RASSF8: variants seen among roughly 807,000 people sequenced by gnomAD.
RASSF8 encodes Ras association domain family member 8.
RASSF8 carries 22 observed loss-of-function variants against 48.5 expected under a neutral mutation model. The observed-to-expected ratio is 0.45, with a 90% CI of 0.32 to 0.65. RASSF8 has a LOEUF of 0.65. RASSF8 is among the 30% of genes least tolerant of loss of function. The pLI is 0.03. For synonymous variants in RASSF8, 127 were observed against 171.5 expected (o/e 0.74, Z 2.03); for missense variants, 418 against 489.2 (o/e 0.85, Z 1.37).
At chr12:26,044,396 A>G (rs780399307) in intron 2 of RASSF8, among the ~76,000 whole-genome samples, 15 of 152,234 alleles carry the variant, frequency 9.9e-5, no homozygotes, top group Non-Finnish European at 2.2e-4. Flanking sequence ...TTATGTAAGC[A>G]TAGCAAAAAC....
chr12:26,056,890 T>G (rs1777551992), intron 3 of RASSF8, among the ~76,000 whole-genome samples: 1 of 152,172 alleles, frequency 6.6e-6, no homozygotes. Context: ...TTGTCACTAT[T>G]AAGAGCTTCA....
intron 2 of RASSF8, among the ~76,000 whole-genome samples, chr12:26,003,357 C>T (rs114923557): frequency 6.6e-5 from 10 of 152,160 alleles, no homozygotes; most frequent in African/African-American, 1.7e-4. Context: ...TCAGTGGGCT[C>T]GTGTTTTGTT....
intron 3 of RASSF8, among the ~76,000 whole-genome samples, chr12:26,058,805 T>C (rs1943673579): frequency 1.3e-5 from 2 of 152,228 alleles, no homozygotes; most frequent in African/African-American, 4.8e-5. Context: ...AAATCTTTTC[T>C]ACACTAATCT....
rs1407235523 is a variant in RASSF8 at position 26,071,615 on chromosome 12, T to G, written c.*2797T>G. On this transcript the variant is annotated 3_prime_UTR_variant, in exon 6 of 6. Transcript: ENST00000689635. ...GTCCCTTTCTTGTCCTTCTGAGATA[T>G]TTTGGTTTGATAACATTTTGTTTTT... The G allele has an allele frequency of 2.0e-6, 2 of 985,206 alleles. No individual in the cohort carries two copies. The highest frequency in any genetic ancestry group is 9.4e-5 in the South Asian group (2 of 21,278). 61.0% of individuals were successfully genotyped at this position (985,206 alleles called of 1,614,324 possible).
downstream of RASSF8, among the ~76,000 whole-genome samples, chr12:26,073,752 C>CTCTCTCT (rs752383527): frequency 2.2e-4 from 22 of 97,924 alleles, no homozygotes; most frequent in Non-Finnish European, 3.7e-4. Flanking sequence ...TCTCTATACA[C>CTCTCTCT]ACACACACAC....
At chr12:26,030,934 A>G (rs1943017556) in intron 2 of RASSF8, among the ~76,000 whole-genome samples, 1 of 152,154 alleles carries the variant, frequency 6.6e-6, no homozygotes, top group South Asian at 2.1e-4. Context: ...ACTGTTTTCA[A>G]TTCAACTTTA....
At chr12:26,037,307 T>G (rs938474542) in intron 2 of RASSF8, among the ~76,000 whole-genome samples, 2 of 152,212 alleles carry the variant, frequency 1.3e-5, no homozygotes, top group East Asian at 3.8e-4. Context: ...GATACTCTTT[T>G]GTCACCTCCG....
chr12:26,024,412 C>G (rs1185690962), intron 2 of RASSF8, among the ~76,000 whole-genome samples: 1 of 152,140 alleles, frequency 6.6e-6, no homozygotes, highest in Non-Finnish European at 1.5e-5. Context: ...AGAGTTAATA[C>G]CAATTCTTCA....
intron 1 of RASSF8, among the ~76,000 whole-genome samples, chr12:25,976,514 C>G (rs568314541): frequency 6.6e-6 from 1 of 152,124 alleles, no homozygotes; most frequent in African/African-American, 2.4e-5. Flanking sequence ...CTTTCTGCAA[C>G]GAATCAGACT....
intron 2 of RASSF8, among the ~76,000 whole-genome samples, chr12:26,013,556 T>C (rs568233285): frequency 3.9e-5 from 6 of 152,190 alleles, no homozygotes; most frequent in Admixed American, 6.5e-5. Flanking sequence ...TAGCCAGGCC[T>C]CTTCATTAGA....
intron 2 of RASSF8, among the ~76,000 whole-genome samples, chr12:26,030,359 G>A (rs1943003024): frequency 6.6e-6 from 1 of 152,126 alleles, no homozygotes; most frequent in Non-Finnish European, 1.5e-5. Flanking sequence ...CCAGGTAGAG[G>A]GGCTACAAGA....
intron 2 of RASSF8, among the ~76,000 whole-genome samples, chr12:26,014,784 ACT>A (rs887549224): frequency 6.6e-6 from 1 of 152,212 alleles, no homozygotes; most frequent in Non-Finnish European, 1.5e-5. Context: ...TGAATTTAAA[ACT>A]CTGTGATATG....
intron 2 of RASSF8, among the ~76,000 whole-genome samples, chr12:26,046,787 A>G (rs1046852274): frequency 7.2e-5 from 11 of 152,266 alleles, no homozygotes; most frequent in South Asian, 2.1e-4. Context: ...TTAGTTTTCA[A>G]TGAAGGTACC....
chr12:26,011,954 C>G (rs1416689207), intron 2 of RASSF8: 3 of 152,072 alleles, frequency 2.0e-5, no homozygotes, highest in Non-Finnish European at 2.9e-5. Context: ...TTATTTTATG[C>G]GTATCATATC....
intron 2 of RASSF8, among the ~76,000 whole-genome samples, chr12:26,015,554 G>T (rs573223860): frequency 1.3e-5 from 2 of 152,296 alleles, no homozygotes; most frequent in Non-Finnish European, 2.9e-5. Flanking sequence ...AAATTAATGT[G>T]TGAGGCCGTG....
chr12:26,047,753 G>A (rs370902821), intron 2 of RASSF8, among the ~76,000 whole-genome samples: 8 of 152,298 alleles, frequency 5.3e-5, no homozygotes, highest in African/African-American at 1.9e-4. Context: ...ACCTGCCTGG[G>A]TCCCTTCAGG....
At chr12:26,012,577 C>A (rs1235547184) in intron 2 of RASSF8, among the ~76,000 whole-genome samples, 5 of 151,900 alleles carry the variant, frequency 3.3e-5, no homozygotes. Context: ...TTATTTATAT[C>A]ATTGTTAATT....
chr12:26,063,244 ATAATC>A (rs1943785966), intron 3 of RASSF8, among the ~76,000 whole-genome samples: 1 of 148,550 alleles, frequency 6.7e-6, no homozygotes, highest in Non-Finnish European at 1.5e-5. Context: ...CAAAATTTAA[ATAATC>A]TATCTGACCC....
In RASSF8 at chr12:25,959,088, C is replaced by T. The variant is rs1941158550; in HGVS notation, c.-263C>T. On this transcript the variant is annotated 5_prime_UTR_variant, in exon 1 of 6. Coordinates refer to ENST00000689635, the MANE Select transcript of RASSF8 (RefSeq NM_001394098.1). Reference sequence around the variant, plus strand: ...CGCGGAGCTCCGGGTGCCGCCGCGTCCCCAGCGCCCCGGCCGGCCCCTCTG... The same window carrying T: ...CGCGGAGCTCCGGGTGCCGCCGCGTTCCCAGCGCCCCGGCCGGCCCCTCTG... The T allele has an allele frequency of 6.7e-6, 1 of 149,748 alleles. No individual in the cohort carries two copies. The highest frequency in any genetic ancestry group is 1.5e-5 in the Non-Finnish European group (1 of 67,288). 9.3% of individuals were successfully genotyped at this position (149,748 alleles called of 1,614,324 possible). A position where few individuals can be genotyped will look rare whatever the true frequency, so the allele number is the denominator to read the frequency against.
Sources: gnomAD v4.1 joint callset for allele counts (sites outside exome capture counted in the v4.1 genomes callset) on GRCh38, gnomAD v4.1.1 for gene constraint, MANE v1.5 for transcripts, NCBI Gene and HGNC (gene_info 2026-07-23, HGNC 2026-07-21) for gene names.